The following SEMA6A variants were observed in gnomAD, a reference collection of about 807,000 sequenced individuals.
SEMA6A encodes the protein semaphorin-6A.
A neutral mutation model predicts 96.8 loss-of-function variants in SEMA6A; 25 were observed. That is an observed-to-expected ratio of 0.26 (90% CI 0.19 to 0.36). The LOEUF (loss-of-function observed/expected upper bound fraction) is 0.36, where lower values mean the gene tolerates loss of function less well. Ranked by LOEUF, SEMA6A falls within the 10% of genes least tolerant of loss-of-function variation. The pLI is 1.00. For missense variants in SEMA6A, 1,363 were observed against 1,323.1 expected, an observed-to-expected ratio of 1.03 and a Z score of -0.47; for synonymous variants, 612 against 518.0, an observed-to-expected ratio of 1.18 and a Z score of -2.46.
intron 1 of SEMA6A, among the ~76,000 whole-genome samples, chr5:116,509,624 G>GAGAGAA (rs56976722): frequency 1.3e-5 from 2 of 151,462 alleles, no homozygotes; most frequent in Non-Finnish European, 2.9e-5. Context: ...GAGAGAGAGA[G>GAGAGAA]CATGCGATTA....
intron 15 of SEMA6A, 94 bp downstream of exon 15, chr5:116,477,752 G>T (rs992091775): frequency 4.9e-6 from 6 of 1,229,826 alleles, no homozygotes; most frequent in Non-Finnish European, 7.2e-6. Context: ...ACAGAAAGCT[G>T]TGTGGTGGTG....
rs73781644 is a variant in SEMA6A at position 116,517,957 on chromosome 5, C to G, written c.-38-12975G>C. On this transcript the variant is annotated intron_variant, in intron 1 of 18. Transcript: ENST00000343348. Reference sequence around the variant, plus strand: ...TCATTTTCTCCCCAATGGAATATGCCTGGTCACGGCATTTTCCAATCCCTG... The same window carrying G: ...TCATTTTCTCCCCAATGGAATATGCGTGGTCACGGCATTTTCCAATCCCTG... 5.2e-3 allele frequency among the ~76,000 whole-genome samples: 795 copies of G among 152,264 alleles called. 8 individuals carry two copies. The highest frequency in any genetic ancestry group is 0.018 in the African/African-American group (754 of 41,540).
In SEMA6A at chr5:116,467,633, C is replaced by T; in HGVS notation, c.1844G>A (p.Ser615Asn). ...DWKHLLDSPDSTDPLGAVSSH... is the reference protein window; with the variant it reads ...DWKHLLDSPDNTDPLGAVSSH... ...AGACACTGCCCCCAAAGGGTCTGTGCTGTCAGGTGAGTCAAGCAGATGCTT... is the reference window on the plus strand; with the variant it reads ...AGACACTGCCCCCAAAGGGTCTGTGTTGTCAGGTGAGTCAAGCAGATGCTT... Residue 615 changes from serine to asparagine, a missense_variant, in exon 18 of 19, where the codon AGC becomes AAC. Around this residue, in one of 2 missense-constraint regions of SEMA6A, gnomAD observed 883 missense variants for 763.6 expected, o/e 1.16. Transcript: ENST00000343348. The T allele has an allele frequency of 6.2e-7, 1 of 1,613,618 alleles. No individual in the cohort carries two copies. Among genetic ancestry groups the T allele is most frequent in the Non-Finnish European group, 8.5e-7 (1 of 1,179,774 alleles).
chr5:116,572,114 G>T (rs933220143), intron 1 of SEMA6A, among the ~76,000 whole-genome samples: 3 of 152,152 alleles, frequency 2.0e-5, no homozygotes, highest in African/African-American at 7.2e-5. Flanking sequence ...TTAAAAACCA[G>T]CGCTGGGGGG....
chr5:116,549,826 TAGTC>T (rs527444674), intron 1 of SEMA6A, among the ~76,000 whole-genome samples: 4 of 152,168 alleles, frequency 2.6e-5, no homozygotes, highest in African/African-American at 4.8e-5. Context: ...ATACAAACAA[TAGTC>T]AGAACACACA....
At chr5:116,501,405 T>A (rs10434763) in intron 3 of SEMA6A, among the ~76,000 whole-genome samples, 23,998 of 152,142 alleles carry the variant, frequency 0.16, 2,553 homozygotes, top group East Asian at 0.44. Flanking sequence ...ATTTTTTTTT[T>A]ACTAAAACCA....
intron 1 of SEMA6A, among the ~76,000 whole-genome samples, chr5:116,570,365 G>A (rs1761164219): frequency 6.6e-6 from 1 of 152,168 alleles, no homozygotes; most frequent in Non-Finnish European, 1.5e-5. Context: ...CCTGATATGG[G>A]AGGGCCCAGC....
intron 1 of SEMA6A, among the ~76,000 whole-genome samples, chr5:116,553,264 T>C (rs757215426): frequency 7.2e-5 from 11 of 152,194 alleles, no homozygotes; most frequent in Non-Finnish European, 1.6e-4. Context: ...TTAAGTATAA[T>C]CTTAGCCAAA....
intron 3 of SEMA6A, among the ~76,000 whole-genome samples, chr5:116,497,618 TG>T (rs1658930321): frequency 1.3e-5 from 2 of 152,216 alleles, no homozygotes; most frequent in African/African-American, 4.8e-5. Context: ...AAAACTTTCC[TG>T]TATTAGCTCT....
chr5:116,508,913 G>A (rs1758270370), intron 1 of SEMA6A, among the ~76,000 whole-genome samples: 1 of 152,198 alleles, frequency 6.6e-6, no homozygotes, highest in Non-Finnish European at 1.5e-5. Context: ...GCTGCGTGAG[G>A]TATTCTGTTC....
chr5:116,448,190 AAAAAAAT>A (rs1316220529), intron 18 of SEMA6A, among the ~76,000 whole-genome samples: 2 of 74,142 alleles, frequency 2.7e-5, no homozygotes, highest in East Asian at 4.0e-4. Context: ...AAAAAAAAAA[AAAAAAAT>A]TAGCCAGGCG....
intron 10 of SEMA6A, among the ~76,000 whole-genome samples, chr5:116,483,790 G>A (rs1376728874): frequency 1.3e-5 from 2 of 152,144 alleles, no homozygotes; most frequent in South Asian, 2.1e-4. Flanking sequence ...TAGGCCGGGC[G>A]AAGTGGCTCA....
At chr5:116,508,878 T>G (rs1216285532) in intron 1 of SEMA6A, among the ~76,000 whole-genome samples, 1 of 152,220 alleles carries the variant, frequency 6.6e-6, no homozygotes, top group Non-Finnish European at 1.5e-5. Context: ...ACCTTTATAC[T>G]ACCCAGGTAC....
rs947438409 is a variant in SEMA6A, at chr5:116,443,668, C to T, written c.*2945G>A. On this transcript the variant is annotated 3_prime_UTR_variant, in exon 19 of 19. Coordinates refer to ENST00000343348, the MANE Select transcript of SEMA6A (RefSeq NM_020796.5). ...TCTTTTCTTACAACATACATTAAGT[C>T]GTGAATCAGATGTTAGGGGATGTGG... The T allele has an allele frequency of 1.5e-4, 23 of 151,604 alleles. No individual in the cohort carries two copies. Among genetic ancestry groups the T allele is most frequent in the African/African-American group, 5.4e-4 (22 of 41,046 alleles). The allele number at this position is 151,604 out of a possible 1,614,324, so 9.4% of individuals were successfully genotyped here.
At chr5:116,474,295 C>G (rs1457775957) in intron 16 of SEMA6A, among the ~76,000 whole-genome samples, 1 of 151,728 alleles carries the variant, frequency 6.6e-6, no homozygotes, top group Non-Finnish European at 1.5e-5. Context: ...CACACACACA[C>G]ACACACACAC....
chr5:116,505,607 A>G (rs1758111615), intron 1 of SEMA6A, among the ~76,000 whole-genome samples: 1 of 152,216 alleles, frequency 6.6e-6, no homozygotes, highest in South Asian at 2.1e-4. Context: ...CACACAATCT[A>G]TAAAGAGAAG....
At chr5:116,453,693 A>T (rs1754796073) in intron 18 of SEMA6A, among the ~76,000 whole-genome samples, 1 of 152,188 alleles carries the variant, frequency 6.6e-6, no homozygotes, top group South Asian at 2.1e-4. Context: ...GCTCTGTTCC[A>T]CATTGAATCC....
intron 7 of SEMA6A, 98 bp downstream of exon 7, chr5:116,491,642 A>C: frequency 2.3e-6 from 2 of 876,100 alleles, no homozygotes; most frequent in Non-Finnish European, 3.8e-6. Flanking sequence ...AGAGAATCAA[A>C]GCACAACTGT....
chr5:116,512,475 G>A (rs1042396465), intron 1 of SEMA6A, among the ~76,000 whole-genome samples: 49 of 152,138 alleles, frequency 3.2e-4, no homozygotes, highest in African/African-American at 1.1e-3. Flanking sequence ...ATTCAATGGA[G>A]GATAATAATA....
Sources: gnomAD v4.1 joint callset for allele counts (sites outside exome capture counted in the v4.1 genomes callset) on GRCh38, gnomAD v4.1.1 for gene constraint, gnomAD v4.1.1 regional missense constraint, MANE v1.5 for transcripts, NCBI Gene and HGNC (gene_info 2026-07-23, HGNC 2026-07-21) for gene names.